RSF1: variants seen among roughly 807,000 people sequenced by gnomAD.
RSF1 encodes remodeling and spacing factor 1.
Under a neutral mutation model 145.2 loss-of-function variants are expected in RSF1, and 13 were observed. That is an observed-to-expected ratio of 0.09 (90% CI 0.06 to 0.14). The LOEUF is 0.14. Ranked by LOEUF, RSF1 falls within the 10% of genes least tolerant of loss-of-function variation. RSF1 has a pLI of 1.00. For synonymous variants in RSF1, 577 were observed against 592.6 expected, an observed-to-expected ratio of 0.97 and a Z score of 0.38; for missense variants, 1,517 against 1,718.2, an observed-to-expected ratio of 0.88 and a Z score of 2.07.
chr11:77,746,438 A>C (rs551813807), intron 3 of RSF1, among the ~76,000 whole-genome samples: 1 of 152,350 alleles, frequency 6.6e-6, no homozygotes, highest in African/African-American at 2.4e-5. Context: ...CTTTTGAATA[A>C]GAAGCCTACT....
chr11:77,740,794 T>C lies in RSF1; in HGVS notation c.515A>G (p.Asn172Ser). The C allele has an allele frequency of 6.2e-7, 1 of 1,614,188 alleles. No individual in the cohort carries two copies. The highest frequency in any genetic ancestry group is 8.5e-7 in the Non-Finnish European group (1 of 1,180,024). The stretch of plus-strand genomic sequence containing the variant: ...TTGTTCTTCTATGTACATTCTGACA[T>C]TGTGATCTTGATCCAATTGGTACCA... ...MYWYQLDQDH[N>S]VRMYIEEQDD... The change falls in exon 4 of 16, where the codon AAT becomes AGT. Residue 172 changes from asparagine to serine, a missense_variant. By Grantham distance (46) the Asn-to-Ser change is conservative. Around this residue, in one of 12 missense-constraint regions of RSF1, gnomAD observed 94 missense variants for 143.6 expected, o/e 0.65. Transcript: ENST00000308488.
chr11:77,789,086 G>C (rs1948490388), intron 1 of RSF1, among the ~76,000 whole-genome samples: 1 of 152,168 alleles, frequency 6.6e-6, no homozygotes, highest in African/African-American at 2.4e-5. Context: ...TCTACGGCAA[G>C]GAAGGAGAAA....
chr11:77,789,559 T>G (rs1280553670), intron 1 of RSF1, among the ~76,000 whole-genome samples: 1 of 152,168 alleles, frequency 6.6e-6, no homozygotes, highest in Non-Finnish European at 1.5e-5. Flanking sequence ...ACCCCCAGAC[T>G]GATCAGGAGC....
rs536202843 is a variant in RSF1 at position 77,799,848 on chromosome 11, T to C, written c.187+20680A>G. ...GATAGTACTAACAACCTTACATAAA[T>C]AAAAAGATTATAAAAGAATACTATG... is the stretch of plus-strand genomic sequence containing the variant. On this transcript the variant is annotated intron_variant, in intron 1 of 15. Transcript: ENST00000308488. Among the ~76,000 whole-genome samples, 21 of 152,204 alleles carry C rather than the reference T, an allele frequency of 1.4e-4. 1 individual carries two copies. The South Asian group carries it at 4.3e-3, about 32-fold the overall frequency.
chr11:77,699,098 A>C (rs1960351505), intron 6 of RSF1, among the ~76,000 whole-genome samples: 1 of 152,218 alleles, frequency 6.6e-6, no homozygotes, highest in Non-Finnish European at 1.5e-5. Context: ...CTCTGTGGTT[A>C]GGATAAATTC....
At chr11:77,792,703 C>T (rs1336034811) in intron 1 of RSF1, among the ~76,000 whole-genome samples, 10 of 151,420 alleles carry the variant, frequency 6.6e-5, no homozygotes, top group Admixed American at 6.6e-4. Context: ...ACTTTACCGG[C>T]CAGGAGAGAA....
chr11:77,763,195 A>T (rs1203729067), intron 2 of RSF1: 1 of 152,238 alleles, frequency 6.6e-6, no homozygotes, highest in Non-Finnish European at 1.5e-5. Flanking sequence ...AAAAAAAATT[A>T]GCCAGGCATG....
At chr11:77,724,873 C>G (rs1382167355) in intron 5 of RSF1, among the ~76,000 whole-genome samples, 4 of 152,228 alleles carry the variant, frequency 2.6e-5, no homozygotes, top group African/African-American at 7.2e-5. Context: ...TCCTGCTGTG[C>G]AATCTGGTTC....
intron 1 of RSF1, among the ~76,000 whole-genome samples, chr11:77,782,879 T>G (rs1056193639): frequency 6.6e-6 from 1 of 152,202 alleles, no homozygotes; most frequent in East Asian, 1.9e-4. Context: ...ACAGAAAAAC[T>G]TGGCTAACCC....
chr11:77,746,321 CAACATCTAACAGCAAAAT>C (rs1434989951), intron 3 of RSF1, among the ~76,000 whole-genome samples: 1 of 152,076 alleles, frequency 6.6e-6, no homozygotes, highest in Non-Finnish European at 1.5e-5. Flanking sequence ...CAACAGCAAT[CAACATCTAACAGCAAAAT>C]AACACCTACT....
intron 1 of RSF1, among the ~76,000 whole-genome samples, chr11:77,768,395 TC>T (rs1352116553): frequency 6.6e-6 from 1 of 152,148 alleles, no homozygotes; most frequent in East Asian, 1.9e-4. Context: ...ACTCCTGACC[TC>T]ATGATCTCCC....
the RSF1 span, chr11:77,831,778 C>T: frequency 6.6e-6 from 1 of 151,748 alleles, no homozygotes; most frequent in African/African-American, 2.4e-5. Context: ...TCACTGCAAC[C>T]TCTGCCTCCC....
At chr11:77,814,909 G>A (rs919198099) in intron 1 of RSF1, among the ~76,000 whole-genome samples, 1 of 152,004 alleles carries the variant, frequency 6.6e-6, no homozygotes, top group South Asian at 2.1e-4. Flanking sequence ...TAATTTCAGT[G>A]CCTCCTTTCT....
chr11:77,841,643 T>C, the RSF1 span, among the ~76,000 whole-genome samples: 2 of 152,308 alleles, frequency 1.3e-5, no homozygotes, highest in African/African-American at 4.8e-5. Flanking sequence ...TAGCCCAGAA[T>C]GTTTGGGTGT....
intron 4 of RSF1, among the ~76,000 whole-genome samples, chr11:77,737,571 T>C (rs10698394): frequency 0.25 from 38,401 of 151,570 alleles, 5,687 homozygotes; most frequent in South Asian, 0.49. Flanking sequence ...CCATTTTGTT[T>C]ATCAAAAACA....
intron 4 of RSF1, among the ~76,000 whole-genome samples, chr11:77,738,460 G>A (rs1229777619): frequency 6.6e-6 from 1 of 152,134 alleles, no homozygotes; most frequent in Non-Finnish European, 1.5e-5. Flanking sequence ...ATGGGAGGAC[G>A]TGCATAGGTT....
intron 9 of RSF1, among the ~76,000 whole-genome samples, chr11:77,688,460 G>A (rs564831968): frequency 2.6e-5 from 4 of 152,242 alleles, no homozygotes; most frequent in Admixed American, 6.5e-5. Flanking sequence ...GTTTTTATTC[G>A]TGATTTAATT....
rs544299022 is a variant in RSF1 at position 77,728,635 on chromosome 11, G to A, written c.579-2936C>T. 2.0e-5 allele frequency among the ~76,000 whole-genome samples: 3 copies of A among 151,848 alleles called. No individual in the cohort carries two copies. The East Asian group carries it at 5.8e-4, about 29-fold the overall frequency. On this transcript the variant is annotated intron_variant, in intron 4 of 15. Transcript: ENST00000308488. ...GGAGAAGGGAGACGGGAGAAGGGAA[G>A]GGAAGGAAAGGAAAGGGAAAGAAAG...
chr11:77,691,007 T>C (rs753014727), intron 9 of RSF1, 152 bp downstream of exon 9: 123 of 590,174 alleles, frequency 2.1e-4, no homozygotes, highest in Non-Finnish European at 3.1e-4. Context: ...CATTCTTAGT[T>C]AGCAGGCAGT....
Sources: allele counts gnomAD v4.1 joint callset (sites outside exome capture counted in the v4.1 genomes callset), GRCh38; gene constraint gnomAD v4.1.1; regional missense constraint gnomAD v4.1.1; transcripts MANE v1.5; gene names NCBI Gene and HGNC (gene_info 2026-07-23, HGNC 2026-07-21).